The following HSPA4L variants were observed in gnomAD, a reference collection of about 807,000 sequenced individuals.
The protein encoded by HSPA4L is heat shock protein family A (Hsp70) member 4 like, also known as heat shock 70 kDa protein 4L.
Under a neutral mutation model 100.3 loss-of-function variants are expected in HSPA4L, and 48 were observed. The ratio of observed to expected loss-of-function variants is 0.48; its 90% CI spans 0.38 to 0.61. The LOEUF is 0.61. HSPA4L is among the 20% of genes least tolerant of loss of function. HSPA4L has a pLI of 0.00. For synonymous variants in HSPA4L, 319 were observed against 328.2 expected (o/e 0.97, Z 0.30); for missense variants, 886 against 988.6 (o/e 0.90, Z 1.39).
intron 14 of HSPA4L, among the ~76,000 whole-genome samples, chr4:127,821,741 A>T (rs972038821): frequency 2.0e-5 from 3 of 152,112 alleles, no homozygotes; most frequent in African/African-American, 7.2e-5. Context: ...ATTACCAGTT[A>T]TGTGTCAAAC....
intron 11 of HSPA4L, chr4:127,809,507 TG>T (rs1049664773): frequency 3.3e-5 from 31 of 927,430 alleles, no homozygotes; most frequent in Middle Eastern, 6.5e-4. Flanking sequence ...AAAGAGACTT[TG>T]TAATATCAAA....
At chr4:127,809,074 G>A (rs1203417959) in intron 11 of HSPA4L, 1 of 565,020 alleles carries the variant, frequency 1.8e-6, no homozygotes, top group Admixed American at 3.0e-5. Context: ...AGGTGAGGGC[G>A]ATTGGAAGGT....
Position 127,803,739 on chromosome 4 carries a change from A to C in HSPA4L, c.774A>C (p.Glu258Asp). 6.2e-7 allele frequency: 1 copy of C among 1,614,052 alleles called. No individual in the cohort carries two copies. The highest frequency in any genetic ancestry group is 8.5e-7 in the Non-Finnish European group (1 of 1,179,986). Residue 258 changes from glutamate to aspartate, a missense_variant, in exon 7 of 19, where the codon GAA becomes GAC. Transcript: ENST00000296464. ...FKTKYKINVK[E>D]NSRALLRLYQ... The stretch of plus-strand genomic sequence containing the variant: ...CCAAATATAAGATAAATGTGAAAGA[A>C]AACTCTCGGGCCTTGTTGCGTTTAT...
In HSPA4L at chr4:127,805,843, A is replaced by T. The variant is rs373956376; in HGVS notation, c.1244+50A>T. 5.7e-6 allele frequency: 7 copies of T among 1,219,670 alleles called. No homozygotes were observed. The African/African-American group carries it at 1.1e-4, about 18-fold the overall frequency. 75.6% of individuals were successfully genotyped at this position (1,219,670 alleles called of 1,614,324 possible). On this transcript the variant is annotated intron_variant, in intron 10 of 18. Coordinates refer to ENST00000296464, the MANE Select transcript of HSPA4L (RefSeq NM_014278.4). ...TAGAGCTTGTCATAAATCTTTACCCAGTTAAACCTACTTTTCTAAATTAGA... is the reference window on the plus strand; with the variant it reads ...TAGAGCTTGTCATAAATCTTTACCCTGTTAAACCTACTTTTCTAAATTAGA...
At chr4:127,831,072 G>A (rs1169632926) in intron 18 of HSPA4L, among the ~76,000 whole-genome samples, 3 of 152,096 alleles carry the variant, frequency 2.0e-5, no homozygotes, top group Non-Finnish European at 2.9e-5. Context: ...CAGACTTATA[G>A]GTTGGATGAA....
intron 10 of HSPA4L, among the ~76,000 whole-genome samples, chr4:127,806,703 A>G (rs934865673): frequency 1.3e-5 from 2 of 152,026 alleles, no homozygotes; most frequent in African/African-American, 4.8e-5. Flanking sequence ...ATCAAAATTT[A>G]TATTTCAAAT....
At chr4:127,793,283 A>G (rs1732927561) in intron 1 of HSPA4L, among the ~76,000 whole-genome samples, 1 of 152,106 alleles carries the variant, frequency 6.6e-6, no homozygotes, top group East Asian at 1.9e-4. Flanking sequence ...AGAAGTAATT[A>G]TTCTCTTCTT....
chr4:127,800,248 A>G (rs899673598), intron 4 of HSPA4L, among the ~76,000 whole-genome samples: 2 of 152,164 alleles, frequency 1.3e-5, no homozygotes, highest in African/African-American at 4.8e-5. Flanking sequence ...GCTTGAGGCC[A>G]GTAGTTAACA....
At chr4:127,810,480 G>A (rs974294848) in intron 11 of HSPA4L, among the ~76,000 whole-genome samples, 4 of 152,176 alleles carry the variant, frequency 2.6e-5, no homozygotes, top group African/African-American at 9.7e-5. Context: ...AGTCACGTCT[G>A]AGCATGGTGG....
chr4:127,825,366 T>C (rs1733923548), intron 16 of HSPA4L, among the ~76,000 whole-genome samples: 1 of 152,110 alleles, frequency 6.6e-6, no homozygotes, highest in Admixed American at 6.5e-5. Context: ...AGGGATTATA[T>C]AGATGCTAAA....
Position 127,833,917 on chromosome 4 carries a change from TA to T in HSPA4L, c.*1045del, listed in dbSNP as rs1734148102. ...TAGGAAATAATGTTTGTAATAAACT[TA>T]ACTATGTTACATATCAACAGGCAAA... On this transcript the variant is annotated 3_prime_UTR_variant, in exon 19 of 19. Transcript: ENST00000296464. 6.6e-6 allele frequency: 1 copy of T among 152,168 alleles called. No individual in the cohort carries two copies. Among genetic ancestry groups the T allele is most frequent in the Non-Finnish European group, 1.5e-5 (1 of 67,998 alleles). The allele number at this position is 152,168 out of a possible 1,614,324, so 9.4% of individuals were successfully genotyped here. A position where few individuals can be genotyped will look rare whatever the true frequency, so the allele number is the denominator to read the frequency against.
At chr4:127,801,762 CAT>C (rs777774633) in intron 5 of HSPA4L, 21 bp from the exon 6 acceptor site, 1 of 1,569,118 alleles carries the variant, frequency 6.4e-7, no homozygotes, top group Non-Finnish European at 8.6e-7. Flanking sequence ...CTAGAATTAA[CAT>C]AATTCTTTGT....
At chr4:127,809,120 G>T in intron 11 of HSPA4L, 1 of 665,488 alleles carries the variant, frequency 1.5e-6, no homozygotes, top group Non-Finnish European at 2.7e-6. Flanking sequence ...CCAGGTGATT[G>T]TGAAGTGCTC....
chr4:127,820,571 TA>T lies in HSPA4L; in HGVS notation c.1812+9del. The T allele has an allele frequency of 6.3e-7, 1 of 1,591,496 alleles. No homozygotes were observed. The highest frequency in any genetic ancestry group is 8.5e-7 in the Non-Finnish European group (1 of 1,172,276). ...ACAGCTACATTGAAAATGAGGTATGTAAATCTGAGTTGATGCTGAAATAGGT... is the reference window on the plus strand; with the variant it reads ...ACAGCTACATTGAAAATGAGGTATGTAATCTGAGTTGATGCTGAAATAGGT... On this transcript the variant is annotated splice_region_variant and intron_variant, in intron 14 of 18. Transcript: ENST00000296464.
chr4:127,782,230 T>G (rs1732573248), upstream of HSPA4L: 2 of 393,594 alleles, frequency 5.1e-6, no homozygotes, highest in South Asian at 2.2e-5. Flanking sequence ...CGGAGCTGGC[T>G]CGGGCGCGGA....
rs1366686066 is a variant in HSPA4L at position 127,836,747 on chromosome 4, C to A, written c.*3873C>A. 6.6e-6 allele frequency: 1 copy of A among 152,070 alleles called. No individual in the cohort carries two copies. The highest frequency in any genetic ancestry group is 1.5e-5 in the Non-Finnish European group (1 of 68,012). The allele number at this position is 152,070 out of a possible 1,614,324, so 9.4% of individuals were successfully genotyped here. ...ATTTTGTTTTCACCCTAAATACATACAACCATTCCTCCACTTTCATAAATT... is the reference window on the plus strand; with the variant it reads ...ATTTTGTTTTCACCCTAAATACATAAAACCATTCCTCCACTTTCATAAATT... On this transcript the variant is annotated 3_prime_UTR_variant, in exon 19 of 19. Coordinates refer to ENST00000296464, the MANE Select transcript of HSPA4L (RefSeq NM_014278.4).
intron 17 of HSPA4L, 40 bp from the exon 18 acceptor site, chr4:127,830,598 A>G: frequency 6.6e-7 from 1 of 1,510,760 alleles, no homozygotes; most frequent in Non-Finnish European, 8.9e-7. Flanking sequence ...GCTAGCTGAA[A>G]AATCATTAAC....
intron 1 of HSPA4L, among the ~76,000 whole-genome samples, chr4:127,784,986 T>C (rs1732674584): frequency 6.6e-6 from 1 of 152,238 alleles, no homozygotes; most frequent in Non-Finnish European, 1.5e-5. Flanking sequence ...AAAGAAATGT[T>C]CAATTTAGTT....
intron 11 of HSPA4L, among the ~76,000 whole-genome samples, chr4:127,808,940 G>A (rs1169850699): frequency 1.3e-5 from 2 of 151,856 alleles, no homozygotes; most frequent in South Asian, 2.1e-4. Context: ...AAAATGCTCT[G>A]TAACTGTCCT....
Sources: gnomAD v4.1 joint callset for allele counts (sites outside exome capture counted in the v4.1 genomes callset) on GRCh38, gnomAD v4.1.1 for gene constraint, MANE v1.5 for transcripts, NCBI Gene and HGNC (gene_info 2026-07-23, HGNC 2026-07-21) for gene names.